The following NRXN3 variants were observed in gnomAD, a reference collection of about 807,000 sequenced individuals.
The protein encoded by NRXN3 is neurexin III.
In NRXN3, 32 loss-of-function variants were observed where a neutral mutation model predicts 137.6. The ratio of observed to expected loss-of-function variants is 0.23; its 90% CI spans 0.18 to 0.31. The LOEUF (loss-of-function observed/expected upper bound fraction) is 0.31, where lower values mean the gene tolerates loss of function less well. NRXN3 is among the 10% of genes least tolerant of loss of function. NRXN3 has a pLI of 1.00. For missense variants in NRXN3, 1,574 were observed against 2,062.5 expected, an observed-to-expected ratio of 0.76 and a Z score of 4.59; for synonymous variants, 798 against 784.5, an observed-to-expected ratio of 1.02 and a Z score of -0.29.
chr14:79,112,120 A>G (rs1331166068), intron 15 of NRXN3, among the ~76,000 whole-genome samples: 1 of 152,238 alleles, frequency 6.6e-6, no homozygotes, highest in Non-Finnish European at 1.5e-5. Context: ...TGCTGAGTAC[A>G]TAAACATGAC....
At chr14:79,492,398 AT>A (rs2096725573) in intron 16 of NRXN3, among the ~76,000 whole-genome samples, 1 of 150,016 alleles carries the variant, frequency 6.7e-6, no homozygotes, top group South Asian at 2.1e-4. Flanking sequence ...TGGGCGGGGG[AT>A]GGGGGCAGGG....
intron 16 of NRXN3, among the ~76,000 whole-genome samples, chr14:79,557,309 TC>T (rs1305906452): frequency 1.4e-5 from 2 of 144,626 alleles, no homozygotes; most frequent in East Asian, 2.1e-4. Context: ...GACCACCTCC[TC>T]CCCCTGCCCC....
intron 15 of NRXN3, among the ~76,000 whole-genome samples, chr14:79,360,128 A>G (rs530985245): frequency 3.3e-5 from 5 of 152,348 alleles, no homozygotes; most frequent in African/African-American, 1.2e-4. Flanking sequence ...AAGGTGGTAT[A>G]TTAAATATAC....
intron 6 of NRXN3, among the ~76,000 whole-genome samples, chr14:78,683,698 T>C (rs1256159981): frequency 1.3e-5 from 2 of 152,180 alleles, no homozygotes; most frequent in Non-Finnish European, 2.9e-5. Flanking sequence ...GTGGTAAAAG[T>C]AGCTGGGGAC....
At chr14:78,258,758 T>C (rs1343583079) in intron 2 of NRXN3, among the ~76,000 whole-genome samples, 1 of 152,238 alleles carries the variant, frequency 6.6e-6, no homozygotes, top group Non-Finnish European at 1.5e-5. Context: ...AATAAAATGA[T>C]GAAGAATTGC....
rs1445739723 is a variant in NRXN3 at position 79,645,971 on chromosome 14, T to C, written c.3445-17807T>C. Among the ~76,000 whole-genome samples the C allele has an allele frequency of 2.2e-5, 3 of 135,966 alleles. 1 individual carries two copies. The highest frequency in any genetic ancestry group is 1.7e-5 in the Non-Finnish European group (1 of 58,470). The allele number at this position is 135,966 out of a possible 152,430, so 89.2% of individuals were successfully genotyped here. A position where few individuals can be genotyped will look rare whatever the true frequency, so the allele number is the denominator to read the frequency against. ...GGGACCTCCTCCCACCAGTGCCACT[T>C]TACTGGAGGCTTGTGATATGTATGA... On this transcript the variant is annotated intron_variant, in intron 16 of 20. Coordinates refer to ENST00000335750, the MANE Select transcript of NRXN3 (RefSeq NM_001330195.2).
At chr14:79,802,077 G>A (rs1603538360) in intron 19 of NRXN3, among the ~76,000 whole-genome samples, 1 of 148,336 alleles carries the variant, frequency 6.7e-6, no homozygotes, top group Non-Finnish European at 1.5e-5. Context: ...TTCTTCTTTT[G>A]GCCCATGCAA....
intron 4 of NRXN3, 116 bp downstream of exon 4, chr14:78,297,976 G>A (rs2076513546): frequency 2.5e-6 from 3 of 1,207,044 alleles, no homozygotes; most frequent in African/African-American, 1.5e-5. Flanking sequence ...TCCTTCCTGC[G>A]CTGGGCCAGG....
intron 4 of NRXN3, among the ~76,000 whole-genome samples, chr14:78,483,942 C>T (rs1222768092): frequency 5.4e-5 from 8 of 147,412 alleles, no homozygotes; most frequent in African/African-American, 1.2e-4. Context: ...TGAAGAAGGG[C>T]AAGCCATTCA....
chr14:78,872,953 A>C (rs529976057), intron 10 of NRXN3, among the ~76,000 whole-genome samples: 2 of 152,304 alleles, frequency 1.3e-5, no homozygotes, highest in Admixed American at 1.3e-4. Flanking sequence ...TGCTCTTCTT[A>C]AACAGATTCT....
At chr14:78,705,205 G>A (rs1405725420) in intron 6 of NRXN3, among the ~76,000 whole-genome samples, 1 of 152,210 alleles carries the variant, frequency 6.6e-6, no homozygotes, top group African/African-American at 2.4e-5. Flanking sequence ...GCTGCTTTCT[G>A]TCATTTGATG....
chr14:79,532,369 T>C (rs1601729172), intron 16 of NRXN3, among the ~76,000 whole-genome samples: 1 of 152,208 alleles, frequency 6.6e-6, no homozygotes, highest in African/African-American at 2.4e-5. Context: ...AGCACTATGC[T>C]ACTCTGAGAG....
chr14:78,425,548 A>C (rs1015578479), intron 4 of NRXN3, among the ~76,000 whole-genome samples: 9 of 152,174 alleles, frequency 5.9e-5, no homozygotes, highest in African/African-American at 1.9e-4. Context: ...CTCACAGGCC[A>C]GCAGGGGCCC....
intron 15 of NRXN3, among the ~76,000 whole-genome samples, chr14:79,150,708 T>A (rs77560802): frequency 3.4e-5 from 5 of 146,690 alleles, no homozygotes; most frequent in African/African-American, 2.5e-5. Context: ...ATTAGATAAA[T>A]AAAAAAAAAA....
intron 10 of NRXN3, among the ~76,000 whole-genome samples, chr14:78,926,237 T>C (rs1447050679): frequency 6.6e-6 from 1 of 152,056 alleles, no homozygotes; most frequent in Non-Finnish European, 1.5e-5. Context: ...CATATACCTA[T>C]GATAAAGTTT....
At chr14:79,456,673 C>A (rs2096262286) in intron 15 of NRXN3, among the ~76,000 whole-genome samples, 1 of 151,562 alleles carries the variant, frequency 6.6e-6, no homozygotes, top group African/African-American at 2.4e-5. Context: ...TTGCTGTGAG[C>A]CCTGATCACC....
At chr14:78,996,398 CT>C (rs1292781015) in intron 15 of NRXN3, among the ~76,000 whole-genome samples, 1 of 152,194 alleles carries the variant, frequency 6.6e-6, no homozygotes, top group Non-Finnish European at 1.5e-5. Context: ...GTTAGTCTGA[CT>C]GCAAAGTCTG....
At chr14:79,196,652 T>TAG (rs1555842091) in intron 15 of NRXN3, among the ~76,000 whole-genome samples, 6 of 130,298 alleles carry the variant, frequency 4.6e-5, no homozygotes, top group African/African-American at 1.4e-4. Context: ...GATAGATAGA[T>TAG]ATAGATATAG....
rs545501586 is a variant in NRXN3 at position 79,711,718 on chromosome 14, TA to T, written c.4014+13784del. The stretch of plus-strand genomic sequence containing the variant: ...AGAGTGCTGGCTGATGGCTGTTGGC[TA>T]AATCCTTCACGAAGAACTGCCTTTG... On this transcript the variant is annotated intron_variant, in intron 19 of 20. Coordinates refer to ENST00000335750, the MANE Select transcript of NRXN3 (RefSeq NM_001330195.2). Among the ~76,000 whole-genome samples, 28 of 152,334 alleles carry T rather than the reference TA, an allele frequency of 1.8e-4. 2 individuals carry two copies. In the South Asian group the frequency reaches 5.6e-3, roughly 30 times the overall value.
Sources: allele counts gnomAD v4.1 joint callset (sites outside exome capture counted in the v4.1 genomes callset), GRCh38; gene constraint gnomAD v4.1.1; transcripts MANE v1.5; gene names NCBI Gene and HGNC (gene_info 2026-07-23, HGNC 2026-07-21).